Variants in BLTP3B observed in about 807,000 individuals in gnomAD.
The protein encoded by BLTP3B is UHRF1 (ICBP90) binding protein 1-like.
the BLTP3B span, chr12:100,039,590 C>T: frequency 2.5e-6 from 4 of 1,609,462 alleles, no homozygotes; most frequent in South Asian, 4.4e-5. Context: ...TTAGGTTTCC[C>T]ATTACCTGTT....
At chr12:100,111,586 GTTTTTTGTTT>G in the BLTP3B span, among the ~76,000 whole-genome samples, 2 of 150,468 alleles carry the variant, frequency 1.3e-5, no homozygotes, top group Non-Finnish European at 1.5e-5. Flanking sequence ...TGCTCAGCTA[GTTTTTTGTTT>G]TTTTTTGTTT....
chr12:100,091,809 C>CTT, the BLTP3B span, among the ~76,000 whole-genome samples: 78 of 134,766 alleles, frequency 5.8e-4, no homozygotes, highest in African/African-American at 1.5e-3. Context: ...CTGGCCAAAT[C>CTT]TTTTTTTTTT....
At chr12:100,062,223 G>A in the BLTP3B span, among the ~76,000 whole-genome samples, 2 of 152,198 alleles carry the variant, frequency 1.3e-5, no homozygotes, top group African/African-American at 2.4e-5. Context: ...ATTTGTTATA[G>A]CAGCCCTAAC....
At chr12:100,126,370 G>C in the BLTP3B span, among the ~76,000 whole-genome samples, 1 of 151,730 alleles carries the variant, frequency 6.6e-6, no homozygotes, top group Non-Finnish European at 1.5e-5. Context: ...CCAAGCCAAC[G>C]AATATGGGTT....
chr12:100,071,733 A>G, the BLTP3B span, among the ~76,000 whole-genome samples: 1 of 152,186 alleles, frequency 6.6e-6, no homozygotes, highest in Non-Finnish European at 1.5e-5. Flanking sequence ...AAAGTTGCCC[A>G]AAGTATACAT....
the BLTP3B span, among the ~76,000 whole-genome samples, chr12:100,115,842 G>A: frequency 4.6e-5 from 7 of 152,042 alleles, no homozygotes; most frequent in Admixed American, 1.3e-4. Flanking sequence ...ATGAGGGCTG[G>A]TTTAAAACCA....
At chr12:100,043,594 T>A in the BLTP3B span, among the ~76,000 whole-genome samples, 78 of 152,352 alleles carry the variant, frequency 5.1e-4, no homozygotes, top group Non-Finnish European at 8.7e-4. Context: ...TTTTCTTGCC[T>A]ATAAATGCTG....
At chr12:100,084,849 A>C in the BLTP3B span, among the ~76,000 whole-genome samples, 6 of 152,194 alleles carry the variant, frequency 3.9e-5, no homozygotes, top group South Asian at 8.3e-4. Flanking sequence ...AGAATGTCAA[A>C]AGCAAATCAT....
At chr12:100,069,706 G>A in the BLTP3B span, among the ~76,000 whole-genome samples, 1 of 152,016 alleles carries the variant, frequency 6.6e-6, no homozygotes, top group African/African-American at 2.4e-5. Flanking sequence ...AGGACTCAGG[G>A]GGAAAGGGTG....
chr12:100,084,745 G>A, the BLTP3B span: 199 of 1,343,620 alleles, frequency 1.5e-4, no homozygotes, highest in African/African-American at 1.5e-3. Flanking sequence ...AGATTTAGTC[G>A]TTTATTCAAG....
the BLTP3B span, chr12:100,059,605 T>C: frequency 1.4e-6 from 2 of 1,449,970 alleles, no homozygotes; most frequent in Non-Finnish European, 1.8e-6. Context: ...GAACATGACT[T>C]AGCTCAGAAA....
At chr12:100,089,108 G>A in the BLTP3B span, 16 of 1,477,838 alleles carry the variant, frequency 1.1e-5, no homozygotes, top group African/African-American at 2.9e-5. Flanking sequence ...AAAAAGATTC[G>A]AAACTGCCTT....
At chr12:100,139,163 T>A in the BLTP3B span, among the ~76,000 whole-genome samples, 1 of 152,208 alleles carries the variant, frequency 6.6e-6, no homozygotes, top group African/African-American at 2.4e-5. Context: ...AGATAAACTT[T>A]TTATTAACAA....
the BLTP3B span, among the ~76,000 whole-genome samples, chr12:100,052,787 TC>T: frequency 7.1e-6 from 1 of 141,522 alleles, no homozygotes; most frequent in African/African-American, 2.9e-5. Flanking sequence ...TTTTTTCTTT[TC>T]TGTTTTTTTT....
chr12:100,102,473 G>A, the BLTP3B span, among the ~76,000 whole-genome samples: 12 of 152,232 alleles, frequency 7.9e-5, no homozygotes, highest in East Asian at 1.7e-3. Flanking sequence ...GATATGCAGA[G>A]AAACTGATCA....
chr12:100,093,136 G>A, the BLTP3B span, among the ~76,000 whole-genome samples: 1 of 152,146 alleles, frequency 6.6e-6, no homozygotes, highest in Non-Finnish European at 1.5e-5. Context: ...ACCAGTCCAG[G>A]AAAACTATTC....
chr12:100,115,384 C>T, the BLTP3B span, among the ~76,000 whole-genome samples: 1 of 152,070 alleles, frequency 6.6e-6, no homozygotes, highest in Non-Finnish European at 1.5e-5. Flanking sequence ...CCAGCCTAGG[C>T]GACAGGGTGA....
chr12:100,128,044 A>G, the BLTP3B span, among the ~76,000 whole-genome samples: 1 of 152,150 alleles, frequency 6.6e-6, no homozygotes, highest in African/African-American at 2.4e-5. Context: ...AAAAACAAAA[A>G]AAGAATCCCA....
At chr12:100,046,600 T>C in the BLTP3B span, among the ~76,000 whole-genome samples, 226 of 151,568 alleles carry the variant, frequency 1.5e-3, no homozygotes, top group African/African-American at 5.0e-3. Flanking sequence ...GGGGGAGGGA[T>C]AGGGTTAGGA....
Sources: allele counts gnomAD v4.1 joint callset (sites outside exome capture counted in the v4.1 genomes callset), GRCh38; gene constraint gnomAD v4.1.1; transcripts MANE v1.5; gene names NCBI Gene and HGNC (gene_info 2026-07-23, HGNC 2026-07-21).